Variants in ELOB observed in about 807,000 individuals in gnomAD.
ELOB encodes elongin B.
Under a neutral mutation model 12.9 loss-of-function variants are expected in ELOB, and 3 were observed. The ratio of observed to expected loss-of-function variants is 0.23; its 90% CI spans 0.11 to 0.60. The LOEUF (loss-of-function observed/expected upper bound fraction) is 0.60. Among genes scored for constraint, ELOB ranks in the 20% least tolerant of loss-of-function variants. ELOB has a pLI of 0.89. For missense variants in ELOB, 126 were observed against 159.2 expected, an observed-to-expected ratio of 0.79 and a Z score of 1.12; for synonymous variants, 84 against 67.4, an observed-to-expected ratio of 1.25 and a Z score of -1.21.
At chr16:2,772,699 C>T (rs1437101377) in intron 3 of ELOB, among the ~76,000 whole-genome samples, 6 of 150,906 alleles carry the variant, frequency 4.0e-5, no homozygotes, top group African/African-American at 1.5e-4. Flanking sequence ...ACACAGACTC[C>T]ATCTCAAAAA....
intron 1 of ELOB, 33 bp downstream of exon 1, chr16:2,777,204 C>T: frequency 1.0e-6 from 1 of 997,398 alleles, no homozygotes; most frequent in Non-Finnish European, 1.2e-6. Context: ...GCCCCCGGCC[C>T]GGCCCGGCCG....
rs960966924 is a variant in ELOB at position 2,771,516 on chromosome 16, G to C, written c.*474C>G. The C allele has an allele frequency of 2.5e-6, 4 of 1,614,054 alleles. No homozygotes were observed. In the Admixed American group the frequency reaches 5.0e-5, roughly 20 times the overall value. ...TGGACCTGTGTGGGTCCGTCTTGGG[G>C]TTCCCTCGTTGAACATGCTGTCAAA... On this transcript the variant is annotated 3_prime_UTR_variant, in exon 4 of 4. Transcript: ENST00000409906.
In ELOB at chr16:2,775,170, T is replaced by G. The variant is rs191011354; in HGVS notation, c.244+281A>C. 5.3e-5 allele frequency among the ~76,000 whole-genome samples: 8 copies of G among 152,030 alleles called. No individual in the cohort carries two copies. The East Asian group carries it at 1.5e-3, about 29-fold the overall frequency. ...AGTGGAAGCCACACACAGAGTAACA[T>G]GCAGAGCACGGAGCCAGGCACTCAC... On this transcript the variant is annotated intron_variant, in intron 3 of 3. Coordinates refer to ENST00000409906, the MANE Select transcript of ELOB (RefSeq NM_007108.4).
intron 3 of ELOB, chr16:2,772,645 G>C (rs1460531638): frequency 6.6e-6 from 1 of 151,276 alleles, no homozygotes; most frequent in Non-Finnish European, 1.5e-5. Context: ...GGGAGGCGGA[G>C]CTTGCAGTAG....
chr16:2,772,231 T>A, intron 3 of ELOB, 129 bp from the exon 4 acceptor site: 1 of 1,138,206 alleles, frequency 8.8e-7, no homozygotes, highest in African/African-American at 1.6e-5. Context: ...ACGGCTGTAG[T>A]CTCCACAGCG....
At chr16:2,774,211 C>G (rs34213102) in intron 3 of ELOB, among the ~76,000 whole-genome samples, 21,024 of 152,150 alleles carry the variant, frequency 0.14, 1,590 homozygotes, top group East Asian at 0.28. Context: ...GCCTAGACAA[C>G]GGAGTGCGAC....
At chr16:2,776,928 C>T in intron 2 of ELOB, 65 bp downstream of exon 2, 1 of 1,514,100 alleles carries the variant, frequency 6.6e-7, no homozygotes, top group Admixed American at 2.0e-5. Context: ...TCGCGGACAG[C>T]GTAGGCGTCA....
chr16:2,775,250 G>C (rs1290242954), intron 3 of ELOB, among the ~76,000 whole-genome samples: 1 of 151,736 alleles, frequency 6.6e-6, no homozygotes, highest in South Asian at 2.1e-4. Context: ...GTTTCTGTAA[G>C]CATCTCATTT....
At chr16:2,772,262 A>AC in intron 3 of ELOB, 160 bp from the exon 4 acceptor site, 2 of 836,260 alleles carry the variant, frequency 2.4e-6, no homozygotes, top group Non-Finnish European at 3.4e-6. Flanking sequence ...TGTTCCAGCT[A>AC]CCCCCGTGGC....
chr16:2,777,213 C>CCG, intron 1 of ELOB, 24 bp downstream of exon 1: 1 of 996,810 alleles, frequency 1.0e-6, no homozygotes, highest in Non-Finnish European at 1.2e-6. Context: ...CCGGCCCGGC[C>CCG]GCCCCTCCCC....
At position 2,771,942 on chromosome 16, in the gene ELOB, A is replaced by G; in HGVS notation, c.*48T>C. On this transcript the variant is annotated 3_prime_UTR_variant, in exon 4 of 4. Transcript: ENST00000409906. ...CGGGAAAAAGAGGCAGCAACCAGGC[A>G]GACTCCCAAATCTCTTTTATTGGGG... 1 of 1,584,640 alleles carries G rather than the reference A, an allele frequency of 6.3e-7. No individual in the cohort carries two copies. Among genetic ancestry groups the G allele is most frequent in the Non-Finnish European group, 8.6e-7 (1 of 1,166,374 alleles).
At chr16:2,776,877 G>C (rs1485283405) in intron 2 of ELOB, 116 bp downstream of exon 2, 1 of 1,379,328 alleles carries the variant, frequency 7.2e-7, no homozygotes, top group Non-Finnish European at 9.6e-7. Flanking sequence ...CAGTCCCGCG[G>C]CTCGGGCGCC....
chr16:2,772,812 T>C (rs1596302281), intron 3 of ELOB, among the ~76,000 whole-genome samples: 1 of 151,704 alleles, frequency 6.6e-6, no homozygotes, highest in Middle Eastern at 3.4e-3. Flanking sequence ...GCCGTCTGTC[T>C]CTCCCTCTGC....
At chr16:2,774,839 T>C (rs2068789848) in intron 3 of ELOB, among the ~76,000 whole-genome samples, 1 of 152,154 alleles carries the variant, frequency 6.6e-6, no homozygotes, top group Non-Finnish European at 1.5e-5. Flanking sequence ...GTATGGCTGA[T>C]GGAAGCCCAG....
Position 2,771,426 on chromosome 16 carries a change from CTGTT to C in ELOB, c.*560_*563del, listed in dbSNP as rs759557375. 2.5e-6 allele frequency: 4 copies of C among 1,613,494 alleles called. No homozygotes were observed. Among genetic ancestry groups the C allele is most frequent in the East Asian group, 2.2e-5 (1 of 44,894 alleles). The stretch of plus-strand genomic sequence containing the variant: ...GAAATGCAGGAACTGGGTCTGTAGA[CTGTT>C]TATTAAAGGTGTGTTAAGGGGGCAG... On this transcript the variant is annotated 3_prime_UTR_variant, in exon 4 of 4. Transcript: ENST00000409906.
intron 2 of ELOB, 36 bp downstream of exon 2, chr16:2,776,957 G>T: frequency 6.5e-7 from 1 of 1,537,298 alleles, no homozygotes; most frequent in Non-Finnish European, 8.8e-7. Flanking sequence ...CCCGGCGCCG[G>T]GTACCCGCTC....
In ELOB at chr16:2,777,241, G is replaced by C. The variant is rs900487035; in HGVS notation, c.-2C>G. Reference sequence around the variant, plus strand: ...CCCTCCCCCACGCCCGCTCACCATCGCGGCTGCTGCCTCTCCCCTCGACGC... The same window carrying C: ...CCCTCCCCCACGCCCGCTCACCATCCCGGCTGCTGCCTCTCCCCTCGACGC... On this transcript the variant is annotated 5_prime_UTR_variant, in exon 1 of 4. Coordinates refer to ENST00000409906, the MANE Select transcript of ELOB (RefSeq NM_007108.4). 1.4e-4 allele frequency: 144 copies of C among 1,017,228 alleles called. No individual in the cohort carries two copies. Among genetic ancestry groups the C allele is most frequent in the Non-Finnish European group, 1.7e-4 (141 of 851,376 alleles). The allele number at this position is 1,017,228 out of a possible 1,614,324, so 63.0% of individuals were successfully genotyped here.
At chr16:2,776,856 A>T (rs1462779302) in intron 2 of ELOB, 137 bp downstream of exon 2, 2 of 1,238,520 alleles carry the variant, frequency 1.6e-6, no homozygotes, top group South Asian at 1.6e-5. Flanking sequence ...TCACCCGCAC[A>T]ACGGATGTCC....
chr16:2,776,814 C>G (rs1377207019), intron 2 of ELOB, among the ~76,000 whole-genome samples, 179 bp downstream of exon 2: 4 of 152,206 alleles, frequency 2.6e-5, no homozygotes, highest in Non-Finnish European at 5.9e-5. Flanking sequence ...GCCCCCGGAC[C>G]GGAGATCCCC....
Sources: allele counts gnomAD v4.1 joint callset (sites outside exome capture counted in the v4.1 genomes callset), GRCh38; gene constraint gnomAD v4.1.1; transcripts MANE v1.5; gene names NCBI Gene and HGNC (gene_info 2026-07-23, HGNC 2026-07-21).